Variants in ATG13 observed in about 807,000 individuals in gnomAD.
ATG13 encodes autophagy related 13, also known as autophagy-related protein 13.
In ATG13, 23 loss-of-function variants were observed where a neutral mutation model predicts 65.5. That is an observed-to-expected ratio of 0.35 (90% CI 0.25 to 0.50). The LOEUF is 0.50. Ranked by LOEUF, ATG13 falls within the 20% of genes least tolerant of loss-of-function variation. The pLI is 0.98. For synonymous variants in ATG13, 252 were observed against 245.2 expected, an observed-to-expected ratio of 1.03 and a Z score of -0.26; for missense variants, 566 against 677.0, an observed-to-expected ratio of 0.84 and a Z score of 1.82.
At chr11:46,657,495 A>G in intron 9 of ATG13, 29 bp from the exon 10 acceptor site, 6 of 1,599,022 alleles carry the variant, frequency 3.8e-6, no homozygotes, top group Non-Finnish European at 5.1e-6. Flanking sequence ...CATTCTAACA[A>G]ATACTGGAAT....
intron 1 of ATG13, among the ~76,000 whole-genome samples, chr11:46,626,607 A>T (rs1427475128): frequency 6.6e-6 from 1 of 152,130 alleles, no homozygotes; most frequent in African/African-American, 2.4e-5. Flanking sequence ...CTTTGTTAAG[A>T]TTGTATCCAC....
intron 2 of ATG13, among the ~76,000 whole-genome samples, chr11:46,633,987 A>G (rs1225694986): frequency 6.6e-6 from 1 of 152,084 alleles, no homozygotes; most frequent in Non-Finnish European, 1.5e-5. Flanking sequence ...GTACAGGATC[A>G]CCTTTTGCCA....
At chr11:46,636,490 G>A (rs1027698549) in intron 2 of ATG13, among the ~76,000 whole-genome samples, 7 of 150,892 alleles carry the variant, frequency 4.6e-5, no homozygotes, top group African/African-American at 1.5e-4. Context: ...CCCAGGAAGC[G>A]GAGCTTGCAG....
chr11:46,653,724 C>T (rs1449780437), intron 7 of ATG13, among the ~76,000 whole-genome samples: 1 of 152,048 alleles, frequency 6.6e-6, no homozygotes, highest in East Asian at 1.9e-4. Flanking sequence ...CACCCGCCAC[C>T]ACGCCCGGCT....
Position 46,663,967 on chromosome 11 carries a change from TCTCCTGTCTC to T in ATG13, c.790-29_790-20del. On this transcript the variant is annotated intron_variant, in intron 11 of 18. Coordinates refer to ENST00000683050, the MANE Select transcript of ATG13 (RefSeq NM_001346311.2). The stretch of plus-strand genomic sequence containing the variant: ...TTTCTTTTTTTTTTTTTTTTTTGTT[TCTCCTGTCTC>T]TGTGTGTGTCTGTGCACAGTGTGTG... 1 of 1,239,588 alleles carries T rather than the reference TCTCCTGTCTC, an allele frequency of 8.1e-7. No homozygotes were observed. Among genetic ancestry groups the T allele is most frequent in the Non-Finnish European group, 1.1e-6 (1 of 897,040 alleles). 76.8% of individuals were successfully genotyped at this position (1,239,588 alleles called of 1,614,324 possible).
chr11:46,641,849 A>G (rs1402346130), intron 2 of ATG13, among the ~76,000 whole-genome samples: 1 of 149,976 alleles, frequency 6.7e-6, no homozygotes, highest in Non-Finnish European at 1.5e-5. Context: ...CCCATGGCTC[A>G]CTGCAGCCTT....
chr11:46,655,704 A>C (rs952351895), intron 7 of ATG13, among the ~76,000 whole-genome samples: 10 of 152,236 alleles, frequency 6.6e-5, no homozygotes, highest in Non-Finnish European at 1.5e-4. Context: ...CAGAGAGAAG[A>C]AACTTAAATA....
chr11:46,649,408 A>T (rs1377546158), intron 6 of ATG13, among the ~76,000 whole-genome samples: 1 of 152,232 alleles, frequency 6.6e-6, no homozygotes, highest in Non-Finnish European at 1.5e-5. Flanking sequence ...TACTACAGGG[A>T]AAGGAGCAGC....
rs764494103 is a variant in ATG13 at position 46,657,631 on chromosome 11, T to C, written c.695+9T>C. On this transcript the variant is annotated intron_variant, in intron 10 of 18. Coordinates refer to ENST00000683050, the MANE Select transcript of ATG13 (RefSeq NM_001346311.2). Reference sequence around the variant, plus strand: ...CACCCCTGCAATTACAGGTGAGGAATGTGAAAAGGTGCTCTCCCAAACTGC... The same window carrying C: ...CACCCCTGCAATTACAGGTGAGGAACGTGAAAAGGTGCTCTCCCAAACTGC... The C allele has an allele frequency of 2.5e-6, 4 of 1,577,884 alleles. No individual in the cohort carries two copies. Among genetic ancestry groups the C allele is most frequent in the Non-Finnish European group, 3.4e-6 (4 of 1,160,710 alleles).
intron 5 of ATG13, among the ~76,000 whole-genome samples, chr11:46,647,300 T>G (rs1379910806): frequency 4.2e-4 from 42 of 99,498 alleles, no homozygotes; most frequent in Non-Finnish European, 7.7e-4. Flanking sequence ...TTTGTTTTTT[T>G]TTTTTGAGAC....
intron 2 of ATG13, among the ~76,000 whole-genome samples, chr11:46,637,308 C>A (rs1277097762): frequency 2.6e-5 from 4 of 152,018 alleles, no homozygotes; most frequent in African/African-American, 9.7e-5. Flanking sequence ...TGCAGTGGTG[C>A]AATAAAACAA....
At chr11:46,626,087 C>T (rs918799654) in intron 1 of ATG13, among the ~76,000 whole-genome samples, 1 of 152,160 alleles carries the variant, frequency 6.6e-6, no homozygotes, top group Non-Finnish European at 1.5e-5. Context: ...TCCCAAGTAG[C>T]TGGGACTACA....
chr11:46,622,129 T>TATA (rs1565399237), intron 1 of ATG13, among the ~76,000 whole-genome samples: 8 of 103,454 alleles, frequency 7.7e-5, no homozygotes, highest in East Asian at 8.4e-4. Context: ...ATATATATAT[T>TATA]TATTTTAGAG....
chr11:46,653,946 T>A (rs538428937), intron 7 of ATG13, among the ~76,000 whole-genome samples: 1 of 152,346 alleles, frequency 6.6e-6, no homozygotes, highest in African/African-American at 2.4e-5. Flanking sequence ...CAATATTACT[T>A]GAAAAATATG....
chr11:46,658,827 T>A (rs556937522), intron 10 of ATG13, among the ~76,000 whole-genome samples: 22 of 152,062 alleles, frequency 1.4e-4, no homozygotes, highest in Non-Finnish European at 3.1e-4. Context: ...TGAGTGAGTC[T>A]ACCAATTTAG....
Position 46,639,999 on chromosome 11 carries a change from C to T in ATG13, c.-13-4280C>T, listed in dbSNP as rs574244659. 1.1e-4 allele frequency among the ~76,000 whole-genome samples: 17 copies of T among 151,766 alleles called. No individual in the cohort carries two copies. The East Asian group carries it at 2.7e-3, about 24-fold the overall frequency. On this transcript the variant is annotated intron_variant, in intron 2 of 18. Coordinates refer to ENST00000683050, the MANE Select transcript of ATG13 (RefSeq NM_001346311.2). ...CTCCTGAGTAGCTGGGACTACCATG[C>T]CCAGCTAATTTTTATATTTTTTTTT... is the stretch of plus-strand genomic sequence containing the variant.
chr11:46,642,597 G>T (rs1350638659), intron 2 of ATG13, among the ~76,000 whole-genome samples: 1 of 152,138 alleles, frequency 6.6e-6, no homozygotes, highest in Admixed American at 6.6e-5. Flanking sequence ...GAGCCACCGT[G>T]CCTGGCCTTC....
chr11:46,657,287 C>A (rs1223407981), intron 9 of ATG13, 96 bp downstream of exon 9: 1 of 1,213,632 alleles, frequency 8.2e-7, no homozygotes. Context: ...TTCAGCTTTG[C>A]TGAAAGCAGT....
chr11:46,627,119 G>A (rs1038125815), intron 1 of ATG13, among the ~76,000 whole-genome samples: 10 of 151,994 alleles, frequency 6.6e-5, no homozygotes, highest in African/African-American at 1.9e-4. Context: ...GATGGCTCAC[G>A]CCTGTAATCC....
Sources: gnomAD v4.1 joint callset for allele counts (sites outside exome capture counted in the v4.1 genomes callset) on GRCh38, gnomAD v4.1.1 for gene constraint, MANE v1.5 for transcripts, NCBI Gene and HGNC (gene_info 2026-07-23, HGNC 2026-07-21) for gene names.